Variants in EPB41L4A observed in about 807,000 individuals in gnomAD.
The protein encoded by EPB41L4A is band 4.1-like protein 4A.
In EPB41L4A, 100 loss-of-function variants were observed where a neutral mutation model predicts 108.6. The observed-to-expected ratio is 0.92, with a 90% CI of 0.78 to 1.09. EPB41L4A has a LOEUF of 1.09. Among genes scored for constraint, EPB41L4A ranks in the 50% least tolerant of loss-of-function variants. The pLI is 0.00. For synonymous variants in EPB41L4A, 319 were observed against 289.0 expected (o/e 1.10, Z -1.05); for missense variants, 1,030 against 842.7 (o/e 1.22, Z -2.75).
At position 112,418,960 on chromosome 5, in the gene EPB41L4A, G is replaced by A; in HGVS notation, c.80C>T (p.Thr27Ile). ...ACCCACCTTGATGCCCTGCTGCTGG[G>A]TGGTAAGGGTTAACTTGGATTCATC... ...LLDESKLTLT[T>I]QQQGIKKSTK... The change falls in exon 1 of 23, where the codon ACC (threonine) becomes ATC (isoleucine). Residue 27 changes from threonine to isoleucine, a missense_variant. Thr to Ile is a moderately conservative substitution (Grantham distance 89). Coordinates refer to ENST00000261486, the MANE Select transcript of EPB41L4A (RefSeq NM_022140.5). 6.2e-7 allele frequency: 1 copy of A among 1,613,260 alleles called. No individual in the cohort carries two copies. The highest frequency in any genetic ancestry group is 8.5e-7 in the Non-Finnish European group (1 of 1,179,532).
intron 6 of EPB41L4A, among the ~76,000 whole-genome samples, chr5:112,263,238 G>A (rs944311389): frequency 4.6e-5 from 7 of 152,166 alleles, no homozygotes; most frequent in Admixed American, 6.5e-5. Flanking sequence ...ATGTGCAAGC[G>A]AGTGTGTGTG....
At chr5:112,347,984 T>C (rs1236511215) in intron 1 of EPB41L4A, among the ~76,000 whole-genome samples, 1 of 152,202 alleles carries the variant, frequency 6.6e-6, no homozygotes, top group African/African-American at 2.4e-5. Flanking sequence ...GCTTACCATA[T>C]CTGCACTGTT....
intron 12 of EPB41L4A, among the ~76,000 whole-genome samples, chr5:112,153,451 C>A (rs571237896): frequency 1.3e-5 from 2 of 151,500 alleles, no homozygotes; most frequent in African/African-American, 4.8e-5. Context: ...ATTGCTTGAA[C>A]CTGGGAGGCG....
At chr5:112,192,466 T>G (rs1033485276) in intron 17 of EPB41L4A, among the ~76,000 whole-genome samples, 3 of 152,218 alleles carry the variant, frequency 2.0e-5, no homozygotes, top group African/African-American at 7.2e-5. Context: ...TGAAGGCCTG[T>G]TGGATTTTTT....
At chr5:112,249,280 T>A (rs1002633017) in intron 9 of EPB41L4A, 1 of 152,158 alleles carries the variant, frequency 6.6e-6, no homozygotes, top group African/African-American at 2.4e-5. Context: ...TAACTCGCAA[T>A]CATTAACTCA....
chr5:112,209,972 G>A lies in EPB41L4A; in HGVS notation c.1098C>T (p.Ser366=), dbSNP rs556603189. 1.1e-3 allele frequency: 1,747 copies of A among 1,586,452 alleles called. 4 individuals are homozygous for A. The highest frequency in any genetic ancestry group is 3.3e-3 in the East Asian group (146 of 44,406). Residue 366 remains serine (S), a synonymous_variant, in exon 13 of 23, where the codon AGC becomes AGT. Coordinates refer to ENST00000261486, the MANE Select transcript of EPB41L4A (RefSeq NM_022140.5). Reference sequence around the variant, plus strand: ...CCATGTTTGCAGTTATCCTACTGATGCTGTTTGATTCTAGCAGAGGAGGAG... The same window carrying A: ...CCATGTTTGCAGTTATCCTACTGATACTGTTTGATTCTAGCAGAGGAGGAG... ...IAQTQPAESN[S]ISRITANMEN...
intron 12 of EPB41L4A, among the ~76,000 whole-genome samples, chr5:112,148,140 T>C (rs1561427621): frequency 6.8e-6 from 1 of 147,916 alleles, no homozygotes; most frequent in African/African-American, 2.5e-5. Context: ...ATAGTATTAC[T>C]ATATAATATA....
At chr5:112,327,570 G>A (rs772618441) in intron 1 of EPB41L4A, among the ~76,000 whole-genome samples, 2 of 151,992 alleles carry the variant, frequency 1.3e-5, no homozygotes, top group Non-Finnish European at 2.9e-5. Flanking sequence ...TTAAAAATTA[G>A]CCAGGTATGG....
chr5:112,311,504 C>T (rs1303333313), intron 1 of EPB41L4A, among the ~76,000 whole-genome samples: 2 of 152,094 alleles, frequency 1.3e-5, no homozygotes, highest in Admixed American at 1.3e-4. Context: ...TTATGATTCC[C>T]ATCTATCTAC....
At chr5:112,242,107 T>C (rs186430726) in intron 9 of EPB41L4A, among the ~76,000 whole-genome samples, 1 of 152,324 alleles carries the variant, frequency 6.6e-6, no homozygotes, top group African/African-American at 2.4e-5. Flanking sequence ...GCTATATCAA[T>C]TTCTTAAAAT....
chr5:112,419,711 A>G (rs13354202), upstream of EPB41L4A: 26,271 of 456,636 alleles, frequency 0.058, 4,385 homozygotes, highest in African/African-American at 0.4. Context: ...CCCAGCCGCA[A>G]GCGCCGAGGA....
intron 3 of EPB41L4A, among the ~76,000 whole-genome samples, chr5:112,276,876 A>T (rs1230082466): frequency 6.6e-6 from 1 of 152,112 alleles, no homozygotes; most frequent in East Asian, 1.9e-4. Flanking sequence ...CCCTCCCCTC[A>T]TCTGTGCCTT....
intron 17 of EPB41L4A, among the ~76,000 whole-genome samples, chr5:112,184,978 G>T (rs1186009673): frequency 6.6e-6 from 1 of 152,082 alleles, no homozygotes; most frequent in Admixed American, 6.5e-5. Context: ...AGAAATTTTG[G>T]ACTTCCGAGG....
chr5:112,233,580 T>A (rs537402413), intron 12 of EPB41L4A, among the ~76,000 whole-genome samples: 16 of 152,142 alleles, frequency 1.1e-4, no homozygotes, highest in Non-Finnish European at 1.6e-4. Context: ...TCCTTTTTTT[T>A]AATTTGTATT....
At chr5:112,330,178 C>T (rs187891854) in intron 1 of EPB41L4A, among the ~76,000 whole-genome samples, 31 of 151,978 alleles carry the variant, frequency 2.0e-4, no homozygotes, top group African/African-American at 6.3e-4. Context: ...CTTAGGTGTA[C>T]TCAGGTCCAT....
intron 12 of EPB41L4A, among the ~76,000 whole-genome samples, chr5:112,228,019 G>C (rs1356680085): frequency 2.0e-5 from 3 of 152,138 alleles, no homozygotes; most frequent in African/African-American, 7.2e-5. Context: ...TGGAGTGTTT[G>C]AATCAAACAT....
intron 12 of EPB41L4A, among the ~76,000 whole-genome samples, chr5:112,221,784 T>A (rs1034888490): frequency 1.3e-5 from 2 of 152,234 alleles, no homozygotes; most frequent in Admixed American, 1.3e-4. Flanking sequence ...TGATTTTAAC[T>A]TGAATATATA....
Position 112,206,262 on chromosome 5 carries a change from T to C in EPB41L4A, c.1179-758A>G, listed in dbSNP as rs541890786. On this transcript the variant is annotated intron_variant, in intron 13 of 22. Coordinates refer to ENST00000261486, the MANE Select transcript of EPB41L4A (RefSeq NM_022140.5). ...TTAACTCCAAATCCACTTTTAACCCTGGCTTTTTGAGGAATCCTCTGTATA... is the reference window on the plus strand; with the variant it reads ...TTAACTCCAAATCCACTTTTAACCCCGGCTTTTTGAGGAATCCTCTGTATA... Among the ~76,000 whole-genome samples, 6 of 152,110 alleles carry C rather than the reference T, an allele frequency of 3.9e-5. No individual in the cohort carries two copies. The South Asian group carries it at 6.2e-4, about 16-fold the overall frequency.
intron 1 of EPB41L4A, among the ~76,000 whole-genome samples, chr5:112,327,974 A>C (rs891582990): frequency 1.3e-5 from 2 of 152,138 alleles, no homozygotes; most frequent in Non-Finnish European, 2.9e-5. Context: ...ATTTTGTTCT[A>C]ATATTTGGGC....
Sources: gnomAD v4.1 joint callset for allele counts (sites outside exome capture counted in the v4.1 genomes callset) on GRCh38, gnomAD v4.1.1 for gene constraint, MANE v1.5 for transcripts, NCBI Gene and HGNC (gene_info 2026-07-23, HGNC 2026-07-21) for gene names.